Variants in ARHGAP32 observed in about 807,000 individuals in gnomAD.
ARHGAP32 encodes Rho GTPase activating protein 32.
ARHGAP32 carries 51 observed loss-of-function variants against 186.5 expected under a neutral mutation model. The ratio of observed to expected loss-of-function variants is 0.27; its 90% CI spans 0.22 to 0.35. The LOEUF (loss-of-function observed/expected upper bound fraction) is 0.35, where lower values mean the gene tolerates loss of function less well. Among genes scored for constraint, ARHGAP32 ranks in the 10% least tolerant of loss-of-function variants. The pLI is 1.00. For missense variants in ARHGAP32, 2,186 were observed against 2,623.5 expected, an observed-to-expected ratio of 0.83 and a Z score of 3.64; for synonymous variants, 950 against 964.3, an observed-to-expected ratio of 0.99 and a Z score of 0.27.
intron 1 of ARHGAP32, among the ~76,000 whole-genome samples, chr11:129,229,819 C>A (rs547808425): frequency 2.6e-5 from 4 of 152,030 alleles, no homozygotes; most frequent in African/African-American, 9.6e-5. Flanking sequence ...CAATTCCAAG[C>A]AACAATTTTT....
intron 6 of ARHGAP32, among the ~76,000 whole-genome samples, chr11:129,086,488 T>A (rs1941396903): frequency 6.6e-6 from 1 of 152,070 alleles, no homozygotes; most frequent in East Asian, 1.9e-4. Flanking sequence ...GTCAAGAGAA[T>A]GAGAACATAA....
At chr11:129,172,230 C>T (rs1289117226) in intron 1 of ARHGAP32, among the ~76,000 whole-genome samples, 1 of 152,186 alleles carries the variant, frequency 6.6e-6, no homozygotes, top group Non-Finnish European at 1.5e-5. Context: ...TGAGAGAGGG[C>T]ACCCTTGTCT....
rs1945288448 is a variant in ARHGAP32 at position 128,969,233 on chromosome 11, G to C, written c.5980C>G (p.Pro1994Ala). The change falls in exon 23 of 23, where the codon CCC (proline) becomes GCC (alanine). Residue 1994 changes from proline to alanine, a missense_variant. Physicochemically the swap from Pro to Ala is conservative, Grantham distance 27. Around this residue, in one of 5 missense-constraint regions of ARHGAP32, gnomAD observed 1,502 missense variants for 1,570.0 expected, o/e 0.96. Transcript: ENST00000682385. This position sits in a 1 kb window ranked among gnomAD's most constrained non-coding sequence, Gnocchi z 4.8. ...EEHLTQSIVP[P>A]PKPERSHSLK... is the part of the protein sequence containing the mutation. ...CTATGACTCCTCTCTGGTTTAGGGG[G>C]TGGGACGATTGACTGAGTGAGGTGT... 1.2e-6 allele frequency: 2 copies of C among 1,614,106 alleles called. No homozygotes were observed. Among genetic ancestry groups the C allele is most frequent in the East Asian group, 4.5e-5 (2 of 44,886 alleles).
At chr11:129,129,287 G>A (rs1470962262) in intron 2 of ARHGAP32, among the ~76,000 whole-genome samples, 1 of 143,664 alleles carries the variant, frequency 7.0e-6, no homozygotes, top group East Asian at 2.0e-4. Context: ...CCCCGTCTGG[G>A]AAGTGAGGAC....
chr11:129,238,945 C>T (rs1184419213), intron 1 of ARHGAP32, among the ~76,000 whole-genome samples: 1 of 152,064 alleles, frequency 6.6e-6, no homozygotes, highest in Non-Finnish European at 1.5e-5. Flanking sequence ...AGTGATCCTC[C>T]CACCTCAGCC....
At chr11:128,984,114 C>T (rs1490305961) in intron 15 of ARHGAP32, among the ~76,000 whole-genome samples, 1 of 152,076 alleles carries the variant, frequency 6.6e-6, no homozygotes, top group Non-Finnish European at 1.5e-5. Flanking sequence ...TGGCTCACAC[C>T]TGTAATCCCA....
chr11:129,000,021 G>A (rs1257062276), intron 11 of ARHGAP32, among the ~76,000 whole-genome samples: 1 of 152,106 alleles, frequency 6.6e-6, no homozygotes, highest in East Asian at 1.9e-4. Flanking sequence ...CTTGTAATCT[G>A]TTGAATATAA....
intron 1 of ARHGAP32, among the ~76,000 whole-genome samples, chr11:129,246,134 A>C (rs1336809577): frequency 6.6e-6 from 1 of 152,252 alleles, no homozygotes; most frequent in Admixed American, 6.5e-5. Context: ...AAGGGGAATG[A>C]GAATTTTTTA....
At chr11:129,186,747 C>G (rs545730980) in intron 1 of ARHGAP32, among the ~76,000 whole-genome samples, 4 of 152,204 alleles carry the variant, frequency 2.6e-5, no homozygotes, top group African/African-American at 7.2e-5. Flanking sequence ...AAATGGCAAA[C>G]AAGCGTAGGA....
rs1402689979 is a variant in ARHGAP32, at chr11:128,989,523, C to CACAT, written c.1196-1399_1196-1398insATGT. On this transcript the variant is annotated intron_variant, in intron 12 of 22. Coordinates refer to ENST00000682385, the MANE Select transcript of ARHGAP32 (RefSeq NM_001378024.1). The stretch of plus-strand genomic sequence containing the variant: ...TTTGTTTTGTTTTTTATTTCACACA[C>CACAT]ACACACACACACACACACACACACA... Among the ~76,000 whole-genome samples the CACAT allele has an allele frequency of 1.1e-4, 16 of 148,810 alleles. No individual in the cohort carries two copies. In the East Asian group the frequency reaches 3.2e-3, roughly 29 times the overall value.
At chr11:129,065,050 C>T (rs1272516791) in intron 7 of ARHGAP32, 117 bp from the exon 8 acceptor site, 2 of 773,698 alleles carry the variant, frequency 2.6e-6, no homozygotes, top group East Asian at 2.8e-5. Flanking sequence ...TTAATAGTTA[C>T]AGAGGACTCT....
chr11:128,973,943 T>C, intron 21 of ARHGAP32, 181 bp downstream of exon 21: 1 of 667,018 alleles, frequency 1.5e-6, no homozygotes, highest in East Asian at 2.7e-5. Context: ...TTGGCCCTTT[T>C]GGGGAGTTTT....
intron 5 of ARHGAP32, among the ~76,000 whole-genome samples, chr11:129,115,680 TTCTAAGCAAAGAGC>T (rs1467133472): frequency 6.6e-6 from 1 of 152,106 alleles, no homozygotes; most frequent in Non-Finnish European, 1.5e-5. Flanking sequence ...GGTCAGGGCT[TTCTAAGCAAAGAGC>T]ACTGGCACCT....
chr11:129,156,218 C>T (rs544687125), intron 2 of ARHGAP32, among the ~76,000 whole-genome samples: 46 of 152,232 alleles, frequency 3.0e-4, no homozygotes, highest in Admixed American at 4.6e-4. Context: ...ACCCCAGTGG[C>T]GCCTGGAATG....
Position 129,192,237 on chromosome 11 carries a change from A to G in ARHGAP32, c.-39T>C. 3 of 1,451,570 alleles carry G rather than the reference A, an allele frequency of 2.1e-6. No homozygotes were observed. The highest frequency in any genetic ancestry group is 2.3e-5 in the East Asian group (1 of 44,072). The allele number at this position is 1,451,570 out of a possible 1,614,324, so 89.9% of individuals were successfully genotyped here. On this transcript the variant is annotated 5_prime_UTR_variant, in exon 1 of 23. The change abolishes an upstream ATG in the 5' untranslated region. Coordinates refer to ENST00000682385, the MANE Select transcript of ARHGAP32 (RefSeq NM_001378024.1). ...AACAAAAAAAACTAAACCTCCAGGC[A>G]TGGAATAAAAAGCACCAACATTCAG... is the stretch of plus-strand genomic sequence containing the variant.
intron 17 of ARHGAP32, among the ~76,000 whole-genome samples, chr11:128,981,112 A>T (rs369007979): frequency 6.6e-6 from 1 of 152,216 alleles, no homozygotes; most frequent in South Asian, 2.1e-4. Context: ...AATCACTCAG[A>T]TATTTTTAGT....
intron 10 of ARHGAP32, among the ~76,000 whole-genome samples, chr11:129,050,957 C>A (rs1940017504): frequency 6.6e-6 from 1 of 152,190 alleles, no homozygotes; most frequent in Non-Finnish European, 1.5e-5. Flanking sequence ...CATGTCCCTG[C>A]AAAGGACATG....
chr11:128,970,141 T>C lies in ARHGAP32; in HGVS notation c.5072A>G (p.Gln1691Arg), dbSNP rs146540855. ...LCDVDAYGTVQLRPLHRLPNR... is the reference protein window; with the variant it reads ...LCDVDAYGTVRLRPLHRLPNR... Reference sequence around the variant, plus strand: ...GGGAAGGCGGTGAAGGGGTCTCAACTGGACTGTGCCATAGGCATCCACATC... The same window carrying C: ...GGGAAGGCGGTGAAGGGGTCTCAACCGGACTGTGCCATAGGCATCCACATC... The change falls in exon 23 of 23, where the codon CAG (glutamine) becomes CGG (arginine). Residue 1691 changes from glutamine to arginine, a missense_variant. Physicochemically the swap from Gln to Arg is conservative, Grantham distance 43. Around this residue, in one of 5 missense-constraint regions of ARHGAP32, gnomAD observed 1,502 missense variants for 1,570.0 expected, o/e 0.96. Coordinates refer to ENST00000682385, the MANE Select transcript of ARHGAP32 (RefSeq NM_001378024.1). This position sits in a 1 kb window ranked among gnomAD's most constrained non-coding sequence, Gnocchi z 5.8. 10 of 1,614,076 alleles carry C rather than the reference T, an allele frequency of 6.2e-6. No individual in the cohort carries two copies. The African/African-American group carries it at 1.3e-4, about 22-fold the overall frequency.
intron 2 of ARHGAP32, among the ~76,000 whole-genome samples, chr11:129,132,908 T>C (rs1354866389): frequency 1.3e-5 from 2 of 152,120 alleles, no homozygotes; most frequent in Admixed American, 6.5e-5. Flanking sequence ...AAATATAAAT[T>C]TTAGAACAGA....
Sources: allele counts gnomAD v4.1 joint callset (sites outside exome capture counted in the v4.1 genomes callset), GRCh38; gene constraint gnomAD v4.1.1; regional missense constraint gnomAD v4.1.1; non-coding constraint Gnocchi (gnomAD v3.1); transcripts MANE v1.5; gene names NCBI Gene and HGNC (gene_info 2026-07-23, HGNC 2026-07-21).